Variants in RAB30 observed in about 807,000 individuals in gnomAD.
The protein encoded by RAB30 is RAB30, member RAS oncogene family.
RAB30 carries 9 observed loss-of-function variants against 25.1 expected under a neutral mutation model. The ratio of observed to expected loss-of-function variants is 0.36; its 90% CI spans 0.22 to 0.63. RAB30 has a LOEUF of 0.63. RAB30 is among the 20% of genes least tolerant of loss of function. The probability of loss-of-function intolerance (pLI) is 0.69; values close to 1 mark genes in which losing one functional copy is unlikely to be tolerated. For synonymous variants in RAB30, 77 were observed against 86.4 expected, an observed-to-expected ratio of 0.89 and a Z score of 0.60; for missense variants, 140 against 243.5, an observed-to-expected ratio of 0.58 and a Z score of 2.83.
intron 2 of RAB30, among the ~76,000 whole-genome samples, chr11:82,995,569 T>C (rs920689715): frequency 6.6e-6 from 1 of 152,158 alleles, no homozygotes; most frequent in Admixed American, 6.5e-5. Flanking sequence ...CTCTGACATA[T>C]GAGTTTATGG....
rs575614968 is a variant in RAB30 at position 83,024,041 on chromosome 11, C to T, written c.-8-26717G>A. Among the ~76,000 whole-genome samples the T allele has an allele frequency of 1.4e-4, 22 of 152,284 alleles. 1 individual carries two copies. Among genetic ancestry groups the T allele is most frequent in the East Asian group, 7.7e-4 (4 of 5,188 alleles). ...TTATAAGACTATCTACTCCATATCCCGGGGCCTCTTGGGGAAGGACTGGAT... is the reference window on the plus strand; with the variant it reads ...TTATAAGACTATCTACTCCATATCCTGGGGCCTCTTGGGGAAGGACTGGAT... On this transcript the variant is annotated intron_variant, in intron 1 of 4. Coordinates refer to ENST00000527633, the MANE Select transcript of RAB30 (RefSeq NM_001286060.2).
chr11:83,064,042 G>A (rs940042223), intron 1 of RAB30, among the ~76,000 whole-genome samples: 2 of 152,140 alleles, frequency 1.3e-5, no homozygotes, highest in African/African-American at 4.8e-5. Flanking sequence ...TTATCTTTGT[G>A]GGTAGAATTA....
chr11:83,065,416 G>A (rs1429073363), intron 1 of RAB30, among the ~76,000 whole-genome samples: 2 of 151,930 alleles, frequency 1.3e-5, no homozygotes, highest in African/African-American at 2.4e-5. Context: ...AGAGAGAAAA[G>A]GAAAGGAATG....
At chr11:83,014,860 G>GAGGA (rs756006619) in intron 1 of RAB30, among the ~76,000 whole-genome samples, 1 of 151,884 alleles carries the variant, frequency 6.6e-6, no homozygotes, top group African/African-American at 2.4e-5. Flanking sequence ...AGAAAAGAAA[G>GAGGA]AGGAAGGAAG....
intron 1 of RAB30, among the ~76,000 whole-genome samples, chr11:83,006,011 T>G (rs1340672736): frequency 1.3e-5 from 2 of 152,092 alleles, no homozygotes; most frequent in African/African-American, 4.8e-5. Flanking sequence ...AATTTATACT[T>G]ATAAATTATA....
chr11:82,980,418 G>A lies in RAB30; in HGVS notation c.*1747C>T, dbSNP rs1299374140. 1.3e-5 allele frequency: 2 copies of A among 152,156 alleles called. No individual in the cohort carries two copies. The highest frequency in any genetic ancestry group is 2.9e-5 in the Non-Finnish European group (2 of 68,030). The allele number at this position is 152,156 out of a possible 1,614,324, so 9.4% of individuals were successfully genotyped here. On this transcript the variant is annotated 3_prime_UTR_variant, in exon 5 of 5. Coordinates refer to ENST00000527633, the MANE Select transcript of RAB30 (RefSeq NM_001286060.2). The stretch of plus-strand genomic sequence containing the variant: ...ACTGGTCAATCTAGAACCTGCTAGA[G>A]AAATGCCAGAAATGCTTTATCCACA...
chr11:83,007,388 T>A (rs968663452), intron 1 of RAB30, among the ~76,000 whole-genome samples: 1 of 152,206 alleles, frequency 6.6e-6, no homozygotes, highest in African/African-American at 2.4e-5. Context: ...GCCTGAGACC[T>A]CCATAATACT....
chr11:83,017,236 G>A (rs1010956601), intron 1 of RAB30, among the ~76,000 whole-genome samples: 4 of 152,122 alleles, frequency 2.6e-5, no homozygotes, highest in Non-Finnish European at 2.9e-5. Context: ...CTACTAGAGG[G>A]TGAAGTGGGA....
At chr11:83,017,710 C>A (rs2121508430) in intron 1 of RAB30, among the ~76,000 whole-genome samples, 2 of 152,296 alleles carry the variant, frequency 1.3e-5, no homozygotes, top group Admixed American at 1.3e-4. Flanking sequence ...GCCATTATTT[C>A]ATTGCTTTTT....
chr11:82,994,656 A>T (rs1293746423), intron 2 of RAB30, among the ~76,000 whole-genome samples: 3 of 152,180 alleles, frequency 2.0e-5, no homozygotes, highest in African/African-American at 7.2e-5. Flanking sequence ...CGGGAATAAG[A>T]CAGTTTTGGG....
At chr11:83,037,800 C>G (rs974666315) in intron 1 of RAB30, among the ~76,000 whole-genome samples, 4 of 152,138 alleles carry the variant, frequency 2.6e-5, no homozygotes, top group Non-Finnish European at 5.9e-5. Context: ...AGCTGCTACT[C>G]TGGTGAAGAT....
chr11:83,057,423 C>T (rs908496985), intron 1 of RAB30, among the ~76,000 whole-genome samples: 1 of 152,156 alleles, frequency 6.6e-6, no homozygotes, highest in Non-Finnish European at 1.5e-5. Context: ...CAGAAACATT[C>T]TTTCCAATGT....
intron 1 of RAB30, among the ~76,000 whole-genome samples, chr11:83,064,527 C>T (rs1258942192): frequency 1.3e-5 from 2 of 152,218 alleles, no homozygotes; most frequent in African/African-American, 4.8e-5. Context: ...TAATGTCACA[C>T]ATAGAGTGCC....
intron 1 of RAB30, chr11:83,034,172 C>T (rs929383376): frequency 1.3e-5 from 2 of 152,238 alleles, no homozygotes; most frequent in African/African-American, 2.4e-5. Context: ...TATTGCCTAC[C>T]TTCAATTTTC....
In RAB30 at chr11:82,977,827, G is replaced by A. The variant is rs1441442455; in HGVS notation, c.*4338C>T. The A allele has an allele frequency of 2.0e-5, 3 of 152,146 alleles. No homozygotes were observed. Among genetic ancestry groups the A allele is most frequent in the Non-Finnish European group, 2.9e-5 (2 of 68,012 alleles). The allele number at this position is 152,146 out of a possible 1,614,324, so 9.4% of individuals were successfully genotyped here. ...AACATTCCAACATCAAGGGACTGAG[G>A]AGAGGAGATGAAATGCCATCTCCCT... On this transcript the variant is annotated 3_prime_UTR_variant, in exon 5 of 5. Coordinates refer to ENST00000527633, the MANE Select transcript of RAB30 (RefSeq NM_001286060.2).
chr11:83,029,456 G>C (rs185915521), intron 1 of RAB30, among the ~76,000 whole-genome samples: 2 of 151,792 alleles, frequency 1.3e-5, no homozygotes, highest in Admixed American at 1.3e-4. Flanking sequence ...AGGCTGGAGT[G>C]CAGTGGTGTC....
At chr11:83,027,400 C>T (rs1857748174) in intron 1 of RAB30, among the ~76,000 whole-genome samples, 1 of 152,116 alleles carries the variant, frequency 6.6e-6, no homozygotes, top group African/African-American at 2.4e-5. Context: ...TTTCTTCTCC[C>T]GAGTACCAAA....
intron 1 of RAB30, among the ~76,000 whole-genome samples, chr11:83,049,475 G>A (rs151168028): frequency 4.0e-3 from 566 of 140,880 alleles, no homozygotes; most frequent in Middle Eastern, 0.014. Context: ...GGGGTGCAGG[G>A]GGCAGTTTTT....
At chr11:83,040,450 G>A (rs1174066152) in intron 1 of RAB30, among the ~76,000 whole-genome samples, 2 of 152,096 alleles carry the variant, frequency 1.3e-5, no homozygotes, top group African/African-American at 4.8e-5. Flanking sequence ...AATTAGCTGG[G>A]TGTGGCGGTG....
Sources: gnomAD v4.1 joint callset for allele counts (sites outside exome capture counted in the v4.1 genomes callset) on GRCh38, gnomAD v4.1.1 for gene constraint, MANE v1.5 for transcripts, NCBI Gene and HGNC (gene_info 2026-07-23, HGNC 2026-07-21) for gene names.